Variants in TSHZ2 observed in about 807,000 individuals in gnomAD.
The protein encoded by TSHZ2 is teashirt zinc finger homeobox 2.
A neutral mutation model predicts 74.4 loss-of-function variants in TSHZ2; 21 were observed. The ratio of observed to expected loss-of-function variants is 0.28; its 90% CI spans 0.20 to 0.41. The LOEUF (loss-of-function observed/expected upper bound fraction) is 0.41. TSHZ2 is among the 10% of genes least tolerant of loss of function. The pLI is 1.00. For synonymous variants in TSHZ2, 540 were observed against 515.3 expected, an observed-to-expected ratio of 1.05 and a Z score of -0.65; for missense variants, 1,244 against 1,293.5, an observed-to-expected ratio of 0.96 and a Z score of 0.59.
At chr20:53,454,303 C>T (rs1984955834) in intron 2 of TSHZ2, among the ~76,000 whole-genome samples, 1 of 152,140 alleles carries the variant, frequency 6.6e-6, no homozygotes. Flanking sequence ...GTGGCTCACA[C>T]CTGTAATCCC....
intron 1 of TSHZ2, among the ~76,000 whole-genome samples, chr20:53,186,139 A>G (rs2010108): frequency 0.66 from 99,889 of 152,148 alleles, 34,183 homozygotes; most frequent in East Asian, 0.89. Flanking sequence ...AGCTGGTGGA[A>G]GGCTGGGGCC....
intron 1 of TSHZ2, among the ~76,000 whole-genome samples, chr20:53,147,876 C>T (rs1485322046): frequency 1.3e-5 from 2 of 152,158 alleles, no homozygotes; most frequent in African/African-American, 4.8e-5. Flanking sequence ...ACCACCACGC[C>T]TGGCTAACTT....
intron 2 of TSHZ2, among the ~76,000 whole-genome samples, chr20:53,300,707 A>G (rs751611432): frequency 2.6e-4 from 39 of 152,192 alleles, no homozygotes; most frequent in Admixed American, 2.0e-3. Context: ...ACATCAGTCA[A>G]CATCACTAAG....
At chr20:53,043,162 T>A (rs1290701673) in intron 1 of TSHZ2, among the ~76,000 whole-genome samples, 1 of 152,206 alleles carries the variant, frequency 6.6e-6, no homozygotes, top group Non-Finnish European at 1.5e-5. Flanking sequence ...GTAAATTTGA[T>A]TGTGCATAAA....
chr20:53,334,556 T>C (rs1313342552), intron 2 of TSHZ2, among the ~76,000 whole-genome samples: 2 of 152,040 alleles, frequency 1.3e-5, no homozygotes, highest in African/African-American at 4.8e-5. Flanking sequence ...CGACCGGCAA[T>C]TGCACTTCCA....
intron 1 of TSHZ2, chr20:53,185,534 A>G: frequency 7.0e-7 from 1 of 1,430,700 alleles, no homozygotes; most frequent in Non-Finnish European, 9.4e-7. Context: ...GAATTCCTTG[A>G]ACTGGGACCC....
At chr20:53,188,558 G>T (rs1988657426) in intron 1 of TSHZ2, among the ~76,000 whole-genome samples, 1 of 152,064 alleles carries the variant, frequency 6.6e-6, no homozygotes, top group Non-Finnish European at 1.5e-5. Flanking sequence ...CAATGGAGAG[G>T]GTCTGTAGAA....
At position 53,074,266 on chromosome 20, in the gene TSHZ2, G is replaced by C. The variant is rs1320704079; in HGVS notation, c.40+100933G>C. Among the ~76,000 whole-genome samples the C allele has an allele frequency of 6.6e-6, 1 of 152,146 alleles. No homozygotes were observed. The highest frequency in any genetic ancestry group is 2.4e-5 in the African/African-American group (1 of 41,430). On this transcript the variant is annotated intron_variant, in intron 1 of 2. Coordinates refer to ENST00000371497, the MANE Select transcript of TSHZ2 (RefSeq NM_173485.6). This position sits in a 1 kb window ranked among gnomAD's most constrained non-coding sequence, Gnocchi z 5.9. Reference sequence around the variant, plus strand: ...TTTCACTTTCTTCTCACAATACCCTGTATTGTACTTGGAAATAGAAGTTAC... The same window carrying C: ...TTTCACTTTCTTCTCACAATACCCTCTATTGTACTTGGAAATAGAAGTTAC...
Position 53,420,055 on chromosome 20 carries a change from C to T in TSHZ2, c.*9-67089C>T, listed in dbSNP as rs1212119888. Among the ~76,000 whole-genome samples, 3 of 152,368 alleles carry T rather than the reference C, an allele frequency of 2.0e-5. 1 individual carries two copies. The highest frequency in any genetic ancestry group is 6.8e-3 in the Middle Eastern group (2 of 294). The stretch of plus-strand genomic sequence containing the variant: ...ACCTTCACTAAATGTCCACTAAGTG[C>T]CAGGCACTGCTCTATACAGAAGTCT... On this transcript the variant is annotated intron_variant, in intron 2 of 2. Transcript: ENST00000371497.
At chr20:53,215,648 C>A (rs1169619056) in intron 1 of TSHZ2, among the ~76,000 whole-genome samples, 2 of 151,684 alleles carry the variant, frequency 1.3e-5, no homozygotes, top group Non-Finnish European at 2.9e-5. Context: ...AGGTGGATCA[C>A]CTGAGGTCGG....
intron 2 of TSHZ2, among the ~76,000 whole-genome samples, chr20:53,468,037 T>C (rs890701469): frequency 6.6e-6 from 1 of 152,186 alleles, no homozygotes; most frequent in Non-Finnish European, 1.5e-5. Flanking sequence ...CACTCCTTCC[T>C]GCAAAAATGT....
chr20:53,300,357 A>G (rs777007314), intron 2 of TSHZ2, among the ~76,000 whole-genome samples: 3 of 152,258 alleles, frequency 2.0e-5, no homozygotes, highest in Non-Finnish European at 4.4e-5. Flanking sequence ...GGTCAGAAGT[A>G]TCATAAAATC....
intron 1 of TSHZ2, among the ~76,000 whole-genome samples, chr20:53,042,771 G>T (rs1984090235): frequency 6.6e-6 from 1 of 151,966 alleles, no homozygotes; most frequent in East Asian, 1.9e-4. Flanking sequence ...ATCTATTGGG[G>T]ATTTAGTGGA....
intron 2 of TSHZ2, among the ~76,000 whole-genome samples, chr20:53,445,396 T>C (rs990516398): frequency 2.6e-5 from 4 of 152,190 alleles, no homozygotes; most frequent in Non-Finnish European, 5.9e-5. Flanking sequence ...CTAACGAATC[T>C]TAACTGGAGC....
intron 2 of TSHZ2, among the ~76,000 whole-genome samples, chr20:53,268,616 A>G (rs968713325): frequency 2.0e-5 from 3 of 152,316 alleles, no homozygotes; most frequent in East Asian, 1.9e-4. Flanking sequence ...TGAATCTTCA[A>G]TATAAATACA....
chr20:53,281,108 A>C (rs1019915804), intron 2 of TSHZ2, among the ~76,000 whole-genome samples: 8 of 152,244 alleles, frequency 5.3e-5, no homozygotes, highest in African/African-American at 1.9e-4. Flanking sequence ...TGTTGCTGTC[A>C]TGGAGCAAAC....
At chr20:53,080,570 A>G (rs1374919363) in intron 1 of TSHZ2, among the ~76,000 whole-genome samples, 3 of 152,158 alleles carry the variant, frequency 2.0e-5, no homozygotes, top group Non-Finnish European at 4.4e-5. Flanking sequence ...TTCACCTCGG[A>G]TGATCAGGCA....
intron 2 of TSHZ2, among the ~76,000 whole-genome samples, chr20:53,361,693 C>T (rs917271482): frequency 3.9e-5 from 6 of 151,996 alleles, no homozygotes; most frequent in East Asian, 1.9e-4. Flanking sequence ...GAGGTGACAC[C>T]GACATTTATT....
intron 2 of TSHZ2, among the ~76,000 whole-genome samples, chr20:53,269,936 T>C (rs1319723325): frequency 6.6e-6 from 1 of 152,202 alleles, no homozygotes; most frequent in Non-Finnish European, 1.5e-5. Flanking sequence ...TTTAATCCTT[T>C]TTTATATAAA....
Sources: gnomAD v4.1 joint callset for allele counts (sites outside exome capture counted in the v4.1 genomes callset) on GRCh38, gnomAD v4.1.1 for gene constraint, Gnocchi (gnomAD v3.1) non-coding constraint, MANE v1.5 for transcripts, NCBI Gene and HGNC (gene_info 2026-07-23, HGNC 2026-07-21) for gene names.